TSC22D1: variants seen among roughly 807,000 people sequenced by gnomAD.
The protein encoded by TSC22D1 is TSC22 domain family member 1.
Under a neutral mutation model 74.2 loss-of-function variants are expected in TSC22D1, and 9 were observed. The observed-to-expected ratio is 0.12, with a 90% confidence interval of 0.07 to 0.21. The LOEUF (loss-of-function observed/expected upper bound fraction) is 0.21. TSC22D1 is among the 10% of genes least tolerant of loss of function. The pLI, the probability that TSC22D1 is intolerant of heterozygous loss-of-function variation, is 1.00. For missense variants in TSC22D1, 1,427 were observed against 1,304.7 expected, an observed-to-expected ratio of 1.09 and a Z score of -1.44; for synonymous variants, 586 against 492.5, an observed-to-expected ratio of 1.19 and a Z score of -2.51.
At chr13:44,476,618 G>A (rs951494922) in intron 1 of TSC22D1, among the ~76,000 whole-genome samples, 3 of 152,124 alleles carry the variant, frequency 2.0e-5, no homozygotes, top group East Asian at 3.9e-4. Context: ...GAAATTTTAT[G>A]ATGGCTGTTT....
Position 44,478,454 on chromosome 13 carries a change from A to AT in TSC22D1, c.2913-42360dup, listed in dbSNP as rs539580422. The stretch of plus-strand genomic sequence containing the variant: ...CCAAGTTCATAGGCATAAATTAATA[A>AT]TTTTTTGTCAGGCTTGGAACCTGGC... On this transcript the variant is annotated intron_variant, in intron 1 of 2. Transcript: ENST00000458659. Among the ~76,000 whole-genome samples, 257 of 152,222 alleles carry AT rather than the reference A, an allele frequency of 1.7e-3. 2 individuals are homozygous for AT. Among genetic ancestry groups the AT allele is most frequent in the Non-Finnish European group, 5.0e-4 (34 of 68,020 alleles).
At chr13:44,549,806 G>A (rs1386300063) in intron 1 of TSC22D1, among the ~76,000 whole-genome samples, 2 of 151,114 alleles carry the variant, frequency 1.3e-5, no homozygotes, top group African/African-American at 2.4e-5. Flanking sequence ...AGAAGGCGGC[G>A]GCGGCAAGAA....
At position 44,434,025 on chromosome 13, in the gene TSC22D1, GCTAC is replaced by G. The variant is rs1874289206; in HGVS notation, c.*597_*600del. ...TCATGGTAAGATAGCCTAGGTCCCAGCTACCTGTCACCATTTTGTCACTCTCATA... is the reference window on the plus strand; with the variant it reads ...TCATGGTAAGATAGCCTAGGTCCCAGCTGTCACCATTTTGTCACTCTCATA... On this transcript the variant is annotated 3_prime_UTR_variant, in exon 3 of 3. Transcript: ENST00000458659. 3 of 1,533,924 alleles carry G rather than the reference GCTAC, an allele frequency of 2.0e-6. No homozygotes were observed. The highest frequency in any genetic ancestry group is 1.4e-5 in the African/African-American group (1 of 73,002).
chr13:44,466,737 T>C (rs552392573), intron 1 of TSC22D1, among the ~76,000 whole-genome samples: 4 of 151,366 alleles, frequency 2.6e-5, no homozygotes, highest in African/African-American at 9.7e-5. Context: ...ACCACTGCAC[T>C]CCAGCCTGGG....
At chr13:44,481,854 T>C (rs1279476904) in intron 1 of TSC22D1, among the ~76,000 whole-genome samples, 1 of 152,214 alleles carries the variant, frequency 6.6e-6, no homozygotes, top group African/African-American at 2.4e-5. Flanking sequence ...AGGTCCAATG[T>C]AGAAAGTATT....
intron 1 of TSC22D1, among the ~76,000 whole-genome samples, chr13:44,533,323 ATGGT>A (rs1303426110): frequency 1.8e-4 from 27 of 151,590 alleles, no homozygotes; most frequent in Admixed American, 7.2e-4. Flanking sequence ...TTAGCTGGGC[ATGGT>A]GGTCCGTGCC....
At chr13:44,539,136 G>A (rs577718621) in intron 1 of TSC22D1, 5 of 985,196 alleles carry the variant, frequency 5.1e-6, no homozygotes, top group African/African-American at 3.5e-5. Context: ...TTATTCCTAG[G>A]GACTAGAAAA....
At chr13:44,577,261 GGTT>G (rs1884312288), upstream of TSC22D1, 1 of 152,646 alleles carries the variant, frequency 6.6e-6, no homozygotes, top group Non-Finnish European at 1.5e-5. Flanking sequence ...GGGCTGTGGT[GGTT>G]GTTACTAGTG....
chr13:44,506,290 A>G (rs1879443981), intron 1 of TSC22D1, among the ~76,000 whole-genome samples: 1 of 152,202 alleles, frequency 6.6e-6, no homozygotes, highest in African/African-American at 2.4e-5. Context: ...AGAGATGCCT[A>G]AGAAAAAGCA....
chr13:44,550,975 C>T lies in TSC22D1; in HGVS notation c.2912+22188G>A, dbSNP rs1267732441. Among the ~76,000 whole-genome samples the T allele has an allele frequency of 2.7e-5, 4 of 150,940 alleles. No individual in the cohort carries two copies. In the East Asian group the frequency reaches 5.9e-4, roughly 22 times the overall value. On this transcript the variant is annotated intron_variant, in intron 1 of 2. Transcript: ENST00000458659. ...AATAAAAATAAACCGGGCATGGTGG[C>T]GCCCACCTGTAGTCTCAGCTACTCA... is the stretch of plus-strand genomic sequence containing the variant.
intron 1 of TSC22D1, chr13:44,436,793 T>C: frequency 1.4e-6 from 2 of 1,436,814 alleles, no homozygotes; most frequent in African/African-American, 1.4e-5. Flanking sequence ...CCCAGGCAGA[T>C]GCGGATCCCA....
chr13:44,559,549 G>C (rs1473882231), intron 1 of TSC22D1, among the ~76,000 whole-genome samples: 1 of 151,980 alleles, frequency 6.6e-6, no homozygotes, highest in Non-Finnish European at 1.5e-5. Flanking sequence ...TCTTGAGACA[G>C]GGTCTCACTT....
chr13:44,469,263 C>T (rs974396299), intron 1 of TSC22D1, among the ~76,000 whole-genome samples: 2 of 152,086 alleles, frequency 1.3e-5, no homozygotes, highest in African/African-American at 4.8e-5. Context: ...TTCCTAAATT[C>T]AACTACAGTA....
At chr13:44,481,124 T>G (rs536741816) in intron 1 of TSC22D1, among the ~76,000 whole-genome samples, 1 of 152,152 alleles carries the variant, frequency 6.6e-6, no homozygotes, top group Non-Finnish European at 1.5e-5. Context: ...AAGAGACTGG[T>G]GCACTGGAGC....
In TSC22D1 at chr13:44,552,860, C is replaced by T. The variant is rs187988778; in HGVS notation, c.2912+20303G>A. On this transcript the variant is annotated intron_variant, in intron 1 of 2. Coordinates refer to ENST00000458659, the MANE Select transcript of TSC22D1 (RefSeq NM_183422.4). ...AAAATTAGCCGGGTGTGGTGGCAGGCGCCTTTAGTCCCATCTACTCCGGAG... is the reference window on the plus strand; with the variant it reads ...AAAATTAGCCGGGTGTGGTGGCAGGTGCCTTTAGTCCCATCTACTCCGGAG... Among the ~76,000 whole-genome samples the T allele has an allele frequency of 1.5e-4, 23 of 152,174 alleles. No homozygotes were observed. The East Asian group carries it at 3.7e-3, about 24-fold the overall frequency.
At chr13:44,464,884 G>A (rs1877183096) in intron 1 of TSC22D1, among the ~76,000 whole-genome samples, 1 of 152,164 alleles carries the variant, frequency 6.6e-6, no homozygotes, top group Admixed American at 6.5e-5. Flanking sequence ...TGTTATATCA[G>A]CACCTGCCAC....
At chr13:44,448,335 A>G (rs1005220614) in intron 1 of TSC22D1, among the ~76,000 whole-genome samples, 1 of 152,208 alleles carries the variant, frequency 6.6e-6, no homozygotes, top group Non-Finnish European at 1.5e-5. Flanking sequence ...AGCAGTCCTA[A>G]AAGACCTGGT....
At chr13:44,484,371 C>G (rs1878332850) in intron 1 of TSC22D1, among the ~76,000 whole-genome samples, 1 of 152,150 alleles carries the variant, frequency 6.6e-6, no homozygotes, top group South Asian at 2.1e-4. Flanking sequence ...TTCTTGTTGA[C>G]AAGCAAGGGA....
chr13:44,514,763 C>T (rs1026061741), intron 1 of TSC22D1, among the ~76,000 whole-genome samples: 3 of 152,018 alleles, frequency 2.0e-5, no homozygotes, highest in East Asian at 1.9e-4. Context: ...AGGAGGCTGA[C>T]GCAGGAGAAT....
Sources: allele counts gnomAD v4.1 joint callset (sites outside exome capture counted in the v4.1 genomes callset), GRCh38; gene constraint gnomAD v4.1.1; transcripts MANE v1.5; gene names NCBI Gene and HGNC (gene_info 2026-07-23, HGNC 2026-07-21).